Variants in EDA observed in about 807,000 individuals in gnomAD.
EDA encodes ectodysplasin-A.
Under a neutral mutation model 23.6 loss-of-function variants are expected in EDA, and 2 were observed. The observed-to-expected ratio is 0.08, with a 90% CI of 0.03 to 0.27. EDA has a LOEUF of 0.27. Among genes scored for constraint, EDA ranks in the 10% least tolerant of loss-of-function variants. The pLI is 1.00. For synonymous variants in EDA, 131 were observed against 132.0 expected (o/e 0.99, Z 0.05); for missense variants, 229 against 324.2 (o/e 0.71, Z 2.26).
chrX:69,834,667 A>T lies in EDA; in HGVS notation c.397-122360A>T, dbSNP rs776842229. Reference sequence around the variant, plus strand: ...ACGGATGGGTCTTGACTCTTTATCCAATTTGCCAGTCTGTGTCTTTTAACT... The same window carrying T: ...ACGGATGGGTCTTGACTCTTTATCCTATTTGCCAGTCTGTGTCTTTTAACT... On this transcript the variant is annotated intron_variant, in intron 1 of 7. Transcript: ENST00000374552. Among the ~76,000 whole-genome samples the T allele has an allele frequency of 6.6e-4, 73 of 110,492 alleles. 1 individual carries two copies. Among genetic ancestry groups the T allele is most frequent in the African/African-American group, 2.4e-3 (73 of 30,349 alleles).
At chrX:69,650,792 A>G (rs1933082092) in intron 1 of EDA, among the ~76,000 whole-genome samples, 1 of 111,537 alleles carries the variant, frequency 9.0e-6, no homozygotes, top group Non-Finnish European at 1.9e-5. Context: ...GTCTGCTTTA[A>G]TTAGAATGAA....
chrX:69,713,388 T>C lies in EDA; in HGVS notation c.396+96684T>C, dbSNP rs532914385. Among the ~76,000 whole-genome samples the C allele has an allele frequency of 4.3e-4, 48 of 111,869 alleles. 1 individual carries two copies. The South Asian group carries it at 0.017, about 40-fold the overall frequency. ...CTTATTCATATTTCTTCAGATTTAC[T>C]TGTAGTCGTATACAATCTTATCTGT... On this transcript the variant is annotated intron_variant, in intron 1 of 7. Coordinates refer to ENST00000374552, the MANE Select transcript of EDA (RefSeq NM_001399.5).
At chrX:69,815,405 T>C (rs1204684792) in intron 1 of EDA, among the ~76,000 whole-genome samples, 1 of 97,211 alleles carries the variant, frequency 1.0e-5, no homozygotes, top group African/African-American at 3.9e-5. Flanking sequence ...AGAGCTATGA[T>C]CTCTCCCTGG....
chrX:69,943,539 A>G (rs1408511563), intron 1 of EDA, among the ~76,000 whole-genome samples: 1 of 111,024 alleles, frequency 9.0e-6, no homozygotes, highest in African/African-American at 3.3e-5. Flanking sequence ...CTCTGTCTCT[A>G]TGCTGAGCTG....
intron 1 of EDA, among the ~76,000 whole-genome samples, chrX:69,790,695 A>G (rs1399496896): frequency 9.0e-6 from 1 of 111,693 alleles, no homozygotes; most frequent in Non-Finnish European, 1.9e-5. Flanking sequence ...ACAGTGTCTG[A>G]CCATCTTCTT....
intron 2 of EDA, among the ~76,000 whole-genome samples, chrX:69,964,929 G>A (rs1318790310): frequency 1.8e-5 from 2 of 111,921 alleles, no homozygotes; most frequent in Non-Finnish European, 3.8e-5. Context: ...TGTTTATTAA[G>A]TACCAAACTA....
At chrX:69,997,356 T>C (rs941197933) in intron 2 of EDA, among the ~76,000 whole-genome samples, 6 of 111,650 alleles carry the variant, frequency 5.4e-5, no homozygotes, top group Admixed American at 3.8e-4. Context: ...ACCCTAGAGA[T>C]TTATAGAACT....
At chrX:69,704,186 A>G (rs2011622016) in intron 1 of EDA, among the ~76,000 whole-genome samples, 1 of 111,977 alleles carries the variant, frequency 8.9e-6, no homozygotes, top group South Asian at 3.7e-4. Context: ...TAATATGTAC[A>G]TTGATTTGGT....
At chrX:69,897,809 C>G (rs2018040534) in intron 1 of EDA, among the ~76,000 whole-genome samples, 1 of 111,586 alleles carries the variant, frequency 9.0e-6, no homozygotes, top group South Asian at 4.0e-4. Flanking sequence ...CGTGTCAGAG[C>G]TTGATCCTAT....
intron 1 of EDA, among the ~76,000 whole-genome samples, chrX:69,683,204 C>T (rs751968076): frequency 9.0e-6 from 1 of 111,420 alleles, no homozygotes; most frequent in South Asian, 3.8e-4. Flanking sequence ...TTGTTATTAT[C>T]GTTACTATTC....
chrX:69,657,019 A>G (rs1334944581), intron 1 of EDA, among the ~76,000 whole-genome samples: 2 of 111,885 alleles, frequency 1.8e-5, no homozygotes, highest in Non-Finnish European at 3.8e-5. Context: ...ATACCCAGTA[A>G]TAAGATTGCT....
At chrX:69,802,822 AT>A (rs1219071577) in intron 1 of EDA, among the ~76,000 whole-genome samples, 1 of 112,249 alleles carries the variant, frequency 8.9e-6, no homozygotes. Context: ...AAAAATACGC[AT>A]AAAGGCCACA....
At chrX:69,844,021 C>CAAAA (rs752030655) in intron 1 of EDA, among the ~76,000 whole-genome samples, 2 of 61,821 alleles carry the variant, frequency 3.2e-5, no homozygotes, top group African/African-American at 6.6e-5. Flanking sequence ...GACTCTGTCT[C>CAAAA]AAAAAAAAAA....
intron 1 of EDA, among the ~76,000 whole-genome samples, chrX:69,762,982 T>G (rs1453961225): frequency 8.9e-6 from 1 of 112,032 alleles, no homozygotes; most frequent in Non-Finnish European, 1.9e-5. Flanking sequence ...TAGGAATGAT[T>G]TTGGATTAGT....
chrX:69,927,408 T>G (rs1424772808), intron 1 of EDA, among the ~76,000 whole-genome samples: 1 of 111,816 alleles, frequency 8.9e-6, no homozygotes, highest in Non-Finnish European at 1.9e-5. Flanking sequence ...CCTTTGCTTA[T>G]GAAGCTTAGT....
chrX:70,022,009 G>A (rs2020040408), intron 2 of EDA, among the ~76,000 whole-genome samples: 1 of 111,722 alleles, frequency 9.0e-6, no homozygotes, highest in Non-Finnish European at 1.9e-5. Flanking sequence ...AGCTCTTGAG[G>A]GCACTGACAG....
At chrX:69,833,678 T>C (rs1010267407) in intron 1 of EDA, among the ~76,000 whole-genome samples, 1 of 111,056 alleles carries the variant, frequency 9.0e-6, no homozygotes, top group Admixed American at 9.6e-5. Context: ...GGTCCTGGAA[T>C]GTTTTTGGTT....
intron 1 of EDA, among the ~76,000 whole-genome samples, chrX:69,695,937 T>G (rs1351544677): frequency 2.7e-5 from 3 of 110,680 alleles, no homozygotes; most frequent in African/African-American, 9.8e-5. Flanking sequence ...TCTCAAAATT[T>G]CCTATTACGA....
At chrX:69,814,260 A>T (rs139702287) in intron 1 of EDA, among the ~76,000 whole-genome samples, 2,051 of 112,536 alleles carry the variant, frequency 0.018, 60 homozygotes, top group African/African-American at 0.061. Flanking sequence ...AAATATTCAG[A>T]CTAAATGCCA....
Sources: allele counts gnomAD v4.1 joint callset (sites outside exome capture counted in the v4.1 genomes callset), GRCh38; gene constraint gnomAD v4.1.1; transcripts MANE v1.5; gene names NCBI Gene and HGNC (gene_info 2026-07-23, HGNC 2026-07-21).